SLC5A12: variants seen among roughly 807,000 people sequenced by gnomAD.
SLC5A12 encodes sodium-coupled monocarboxylate transporter 2.
SLC5A12 carries 46 observed loss-of-function variants against 72.7 expected under a neutral mutation model. The ratio of observed to expected loss-of-function variants is 0.63; its 90% CI spans 0.50 to 0.81. The LOEUF (loss-of-function observed/expected upper bound fraction) is 0.81, where lower values mean the gene tolerates loss of function less well. Ranked by LOEUF, SLC5A12 falls within the 30% of genes least tolerant of loss-of-function variation. The pLI, the probability that SLC5A12 is intolerant of heterozygous loss-of-function variation, is 0.00. For missense variants in SLC5A12, 683 were observed against 740.7 expected (o/e 0.92, Z 0.90); for synonymous variants, 275 against 264.4 (o/e 1.04, Z -0.39).
At chr11:26,680,617 A>T (rs1241526517) in intron 12 of SLC5A12, among the ~76,000 whole-genome samples, 3 of 151,840 alleles carry the variant, frequency 2.0e-5, no homozygotes, top group Non-Finnish European at 4.4e-5. Context: ...TACAAAGGGA[A>T]ATCCTTTGTT....
Position 26,711,321 on chromosome 11 carries a change from A to G in SLC5A12, c.443T>C (p.Leu148Pro). 6.2e-7 allele frequency: 1 copy of G among 1,611,974 alleles called. No individual in the cohort carries two copies. The highest frequency in any genetic ancestry group is 8.5e-7 in the Non-Finnish European group (1 of 1,178,626). Reference sequence around the variant, plus strand: ...TGATAACTCACCTTGATTGAGTGCCAGGGCAGGAGCATACACCACCACTCC... The same window carrying G: ...TGATAACTCACCTTGATTGAGTGCCGGGGCAGGAGCATACACCACCACTCC... Reference protein sequence around the residue: ...YTGVVVYAPALALNQVTGFDL... With the variant: ...YTGVVVYAPAPALNQVTGFDL... The change falls in exon 3 of 15, where the codon CTG becomes CCG. Residue 148 changes from leucine to proline, a missense_variant. Leu to Pro is a moderately conservative substitution (Grantham distance 98). Transcript: ENST00000396005.
chr11:26,686,610 GC>G, intron 9 of SLC5A12, 66 bp from the exon 10 acceptor site: 2 of 1,392,486 alleles, frequency 1.4e-6, no homozygotes, highest in South Asian at 1.2e-5. Flanking sequence ...GATGCCTTGA[GC>G]CCCCACTCAG....
At chr11:26,688,629 G>GA (rs1472702860) in intron 9 of SLC5A12, among the ~76,000 whole-genome samples, 3 of 152,054 alleles carry the variant, frequency 2.0e-5, no homozygotes, top group Admixed American at 2.0e-4. Flanking sequence ...TTAGGAACCA[G>GA]AAAAAAATAG....
chr11:26,711,383 T>C (rs200217177), intron 2 of SLC5A12, 25 bp from the exon 3 acceptor site: 132 of 1,598,968 alleles, frequency 8.3e-5, no homozygotes, highest in Non-Finnish European at 1.1e-4. Flanking sequence ...AGAATCAGAT[T>C]GGCAGTGAGA....
At chr11:26,699,088 G>A (rs926670543) in intron 6 of SLC5A12, among the ~76,000 whole-genome samples, 1 of 152,202 alleles carries the variant, frequency 6.6e-6, no homozygotes, top group African/African-American at 2.4e-5. Context: ...ACTATGTGGT[G>A]CAATTCATTT....
intron 14 of SLC5A12, among the ~76,000 whole-genome samples, chr11:26,672,595 C>G (rs1351222850): frequency 6.6e-6 from 1 of 152,064 alleles, no homozygotes; most frequent in Non-Finnish European, 1.5e-5. Context: ...GGAACCCAAA[C>G]CTTACAAAAG....
intron 10 of SLC5A12, among the ~76,000 whole-genome samples, chr11:26,684,712 A>G (rs1854488906): frequency 6.6e-6 from 1 of 152,272 alleles, no homozygotes; most frequent in African/African-American, 2.4e-5. Context: ...CAGTCTTTGG[A>G]GGAGTCCTTG....
At chr11:26,674,510 C>G (rs1310371465) in intron 13 of SLC5A12, among the ~76,000 whole-genome samples, 2 of 152,134 alleles carry the variant, frequency 1.3e-5, no homozygotes, top group Admixed American at 1.3e-4. Flanking sequence ...AGTGATTCTC[C>G]TGCCTCAGCC....
chr11:26,704,775 G>A (rs1005364154), intron 4 of SLC5A12, among the ~76,000 whole-genome samples: 3 of 152,074 alleles, frequency 2.0e-5, no homozygotes, highest in Non-Finnish European at 2.9e-5. Flanking sequence ...AGAAGTAAGG[G>A]AATGAAAACT....
chr11:26,692,227 G>C (rs1047227701), intron 9 of SLC5A12: 6 of 289,788 alleles, frequency 2.1e-5, no homozygotes, highest in Middle Eastern at 1.0e-3. Flanking sequence ...CAGGCCGTGG[G>C]TTGGATAAGC....
At chr11:26,680,535 T>C (rs1351186755) in intron 12 of SLC5A12, among the ~76,000 whole-genome samples, 1 of 151,354 alleles carries the variant, frequency 6.6e-6, no homozygotes, top group Non-Finnish European at 1.5e-5. Flanking sequence ...GATTTCAAAG[T>C]CCACAATCGT....
intron 1 of SLC5A12, among the ~76,000 whole-genome samples, chr11:26,718,449 T>A (rs191819772): frequency 2.6e-5 from 4 of 152,034 alleles, no homozygotes; most frequent in Admixed American, 2.6e-4. Flanking sequence ...GACTTTAGAG[T>A]CCATAGTCTT....
At chr11:26,687,179 T>TCA (rs1335290602) in intron 9 of SLC5A12, among the ~76,000 whole-genome samples, 1 of 152,198 alleles carries the variant, frequency 6.6e-6, no homozygotes, top group Non-Finnish European at 1.5e-5. Flanking sequence ...AATCAGCATA[T>TCA]GTATTTTGTC....
chr11:26,683,694 A>G, intron 11 of SLC5A12, 63 bp downstream of exon 11: 3 of 1,323,272 alleles, frequency 2.3e-6, no homozygotes. Flanking sequence ...GGCTGAGAGG[A>G]GAGAGAAAAC....
intron 6 of SLC5A12, among the ~76,000 whole-genome samples, chr11:26,700,846 C>A (rs1222828266): frequency 2.0e-5 from 3 of 152,156 alleles, no homozygotes; most frequent in African/African-American, 7.2e-5. Context: ...GTCATGAAAC[C>A]AAATGCATGT....
chr11:26,704,783 A>C (rs1023484748), intron 4 of SLC5A12, among the ~76,000 whole-genome samples: 1 of 152,136 alleles, frequency 6.6e-6, no homozygotes, highest in Admixed American at 6.6e-5. Context: ...GGGAATGAAA[A>C]CTAACAAATA....
Position 26,669,191 on chromosome 11 carries a change from C to CTTTCTTTTTT in SLC5A12, c.*1910_*1911insAAAAAAGAAA, listed in dbSNP as rs1565179473. Reference sequence around the variant, plus strand: ...TTTTTCTTTCTTTCTTTCTTCTTTTCTTTCTTTCTTTCTTTCTTTCTTTCT... The same window carrying CTTTCTTTTTT: ...TTTTTCTTTCTTTCTTTCTTCTTTTCTTTCTTTTTTTTTCTTTCTTTCTTTCTTTCTTTCT... On this transcript the variant is annotated 3_prime_UTR_variant, in exon 15 of 15. Transcript: ENST00000396005. 12 of 43,908 alleles carry CTTTCTTTTTT rather than the reference C, an allele frequency of 2.7e-4. No homozygotes were observed. The highest frequency in any genetic ancestry group is 6.6e-4 in the African/African-American group (12 of 18,182). The allele number at this position is 43,908 out of a possible 1,614,324, so 2.7% of individuals were successfully genotyped here.
At chr11:26,675,377 A>T (rs1404945471) in intron 13 of SLC5A12, among the ~76,000 whole-genome samples, 1 of 152,190 alleles carries the variant, frequency 6.6e-6, no homozygotes, top group Non-Finnish European at 1.5e-5. Context: ...AAAAATGAAA[A>T]TGAAACTCAA....
At chr11:26,680,350 C>CAT (rs769129594) in intron 12 of SLC5A12, among the ~76,000 whole-genome samples, 5,164 of 74,400 alleles carry the variant, frequency 0.069, 661 homozygotes, top group African/African-American at 0.14. Flanking sequence ...TATATATATT[C>CAT]ATATATATAT....
Sources: gnomAD v4.1 joint callset for allele counts (sites outside exome capture counted in the v4.1 genomes callset) on GRCh38, gnomAD v4.1.1 for gene constraint, MANE v1.5 for transcripts, NCBI Gene and HGNC (gene_info 2026-07-23, HGNC 2026-07-21) for gene names.